GNA14: variants seen among roughly 807,000 people sequenced by gnomAD.
The protein encoded by GNA14 is guanine nucleotide-binding protein subunit alpha-14.
A neutral mutation model predicts 42.0 loss-of-function variants in GNA14; 50 were observed. The observed-to-expected ratio is 1.19, with a 90% CI of 0.95 to 1.51. The LOEUF (loss-of-function observed/expected upper bound fraction) is 1.51. Among genes scored for constraint, GNA14 ranks in the 40% most tolerant of loss-of-function variants. The pLI is 0.00. For synonymous variants in GNA14, 173 were observed against 163.1 expected, an observed-to-expected ratio of 1.06 and a Z score of -0.46; for missense variants, 473 against 446.2, an observed-to-expected ratio of 1.06 and a Z score of -0.54.
intron 2 of GNA14, among the ~76,000 whole-genome samples, chr9:77,509,737 T>A (rs1837128631): frequency 6.6e-6 from 1 of 152,060 alleles, no homozygotes; most frequent in Non-Finnish European, 1.5e-5. Context: ...TTGTATAGGT[T>A]GGTGAGAAAG....
At chr9:77,509,116 C>A (rs141149427) in intron 2 of GNA14, among the ~76,000 whole-genome samples, 1 of 152,130 alleles carries the variant, frequency 6.6e-6, no homozygotes, top group East Asian at 1.9e-4. Flanking sequence ...CCCCTCCCCA[C>A]GCTCAGTCCC....
chr9:77,446,207 T>C (rs1835815719), intron 2 of GNA14, among the ~76,000 whole-genome samples: 1 of 152,160 alleles, frequency 6.6e-6, no homozygotes, highest in South Asian at 2.1e-4. Context: ...AGTGGCACAA[T>C]CAGCTGTGAG....
At chr9:77,443,841 G>A (rs528823766) in intron 2 of GNA14, among the ~76,000 whole-genome samples, 1 of 152,282 alleles carries the variant, frequency 6.6e-6, no homozygotes, top group African/African-American at 2.4e-5. Context: ...AATTAGCTGA[G>A]CATGGTGATG....
chr9:77,533,739 C>G (rs111274820), intron 1 of GNA14, among the ~76,000 whole-genome samples: 1 of 152,152 alleles, frequency 6.6e-6, no homozygotes, highest in African/African-American at 2.4e-5. Context: ...CCCTCTCCCC[C>G]TAAACTTGAG....
intron 2 of GNA14, among the ~76,000 whole-genome samples, chr9:77,507,851 C>G (rs562667414): frequency 2.5e-4 from 38 of 152,162 alleles, no homozygotes; most frequent in African/African-American, 8.4e-4. Context: ...GGATTACAGG[C>G]ACTCATCACT....
In GNA14 at chr9:77,515,960, C is replaced by CAAAAAAAAAAAAAAAAAA. The variant is rs1158448237; in HGVS notation, c.309+13091_309+13108dup. Among the ~76,000 whole-genome samples the CAAAAAAAAAAAAAAAAAA allele has an allele frequency of 7.2e-4, 38 of 52,728 alleles. 3 individuals are homozygous for CAAAAAAAAAAAAAAAAAA. Among genetic ancestry groups the CAAAAAAAAAAAAAAAAAA allele is most frequent in the African/African-American group, 1.1e-3 (17 of 15,730 alleles). The allele number at this position is 52,728 out of a possible 152,430, so 34.6% of individuals were successfully genotyped here. ...GGCAACGCAGCAAGACCCTGTCTCA[C>CAAAAAAAAAAAAAAAAAA]AAAAAAAAAAAAAAAAAAAAAAACC... On this transcript the variant is annotated intron_variant, in intron 2 of 6. Coordinates refer to ENST00000341700, the MANE Select transcript of GNA14 (RefSeq NM_004297.4).
chr9:77,617,201 G>A (rs771288944), intron 1 of GNA14, among the ~76,000 whole-genome samples: 1 of 151,982 alleles, frequency 6.6e-6, no homozygotes, highest in African/African-American at 2.4e-5. Context: ...ATTGTGAATG[G>A]GATATTCACA....
chr9:77,429,515 T>C lies in GNA14; in HGVS notation c.594-479A>G, dbSNP rs143900009. Among the ~76,000 whole-genome samples, 23 of 152,294 alleles carry C rather than the reference T, an allele frequency of 1.5e-4. 1 individual carries two copies. In the South Asian group the frequency reaches 3.3e-3, roughly 22 times the overall value. On this transcript the variant is annotated intron_variant, in intron 4 of 6. Transcript: ENST00000341700. ...TGCATTCCCTGGATGCCACCTCTTG[T>C]TCCCTATAAAAACCTACAAGTGTCC...
intron 3 of GNA14, 65 bp downstream of exon 3, chr9:77,434,303 T>TCA (rs1835606309): frequency 1.4e-6 from 2 of 1,470,284 alleles, no homozygotes; most frequent in Non-Finnish European, 1.9e-6. Context: ...GCGAGAAACT[T>TCA]CTTTGAAGTG....
intron 1 of GNA14, among the ~76,000 whole-genome samples, chr9:77,628,726 C>T (rs1824050751): frequency 6.6e-6 from 1 of 152,070 alleles, no homozygotes; most frequent in Non-Finnish European, 1.5e-5. Flanking sequence ...ACCCCTTACA[C>T]AAAAATTAAC....
intron 2 of GNA14, among the ~76,000 whole-genome samples, chr9:77,466,048 T>C (rs1348265298): frequency 6.6e-6 from 1 of 152,236 alleles, no homozygotes; most frequent in Non-Finnish European, 1.5e-5. Flanking sequence ...TCTTTCACTT[T>C]GACTTTCAAC....
chr9:77,533,612 T>G (rs996970544), intron 1 of GNA14, among the ~76,000 whole-genome samples: 1 of 152,198 alleles, frequency 6.6e-6, no homozygotes. Context: ...TTAACGTCCC[T>G]TTCTCTGCGT....
At chr9:77,565,144 T>C (rs548330500) in intron 1 of GNA14, among the ~76,000 whole-genome samples, 8 of 152,238 alleles carry the variant, frequency 5.3e-5, no homozygotes, top group Non-Finnish European at 1.0e-4. Flanking sequence ...TGTATACATG[T>C]AGTACTTGAA....
chr9:77,526,443 AG>A (rs906872262), intron 2 of GNA14: 4 of 151,424 alleles, frequency 2.6e-5, no homozygotes, highest in South Asian at 2.1e-4. Flanking sequence ...GATGCAAGCA[AG>A]ATAAGGTCAT....
At chr9:77,523,797 G>A (rs992368019) in intron 2 of GNA14, among the ~76,000 whole-genome samples, 3 of 152,100 alleles carry the variant, frequency 2.0e-5, no homozygotes, top group African/African-American at 4.8e-5. Flanking sequence ...TGGAACTAAC[G>A]TGTTTTTGAG....
intron 1 of GNA14, among the ~76,000 whole-genome samples, chr9:77,627,948 A>T (rs1824038453): frequency 6.6e-6 from 1 of 152,222 alleles, no homozygotes; most frequent in Non-Finnish European, 1.5e-5. Context: ...CAGGAAGTCA[A>T]ATTGGCCCTG....
chr9:77,424,369 C>T (rs565799233), intron 6 of GNA14, among the ~76,000 whole-genome samples, 200 bp from the exon 7 acceptor site: 11 of 152,112 alleles, frequency 7.2e-5, no homozygotes, highest in Non-Finnish European at 1.2e-4. Context: ...ATTACAGATG[C>T]GTACCACCAC....
intron 1 of GNA14, among the ~76,000 whole-genome samples, chr9:77,529,754 C>T (rs1249560629): frequency 2.0e-5 from 3 of 152,154 alleles, no homozygotes; most frequent in South Asian, 2.1e-4. Context: ...TGTCTCAACA[C>T]GCAGTTCAGG....
chr9:77,501,713 C>CTTT (rs71358606), intron 2 of GNA14, among the ~76,000 whole-genome samples: 61,666 of 129,838 alleles, frequency 0.47, 15,739 homozygotes, highest in East Asian at 0.78. Context: ...TGGATAATTT[C>CTTT]TTTTTTTTTT....
Sources: gnomAD v4.1 joint callset for allele counts (sites outside exome capture counted in the v4.1 genomes callset) on GRCh38, gnomAD v4.1.1 for gene constraint, MANE v1.5 for transcripts, NCBI Gene and HGNC (gene_info 2026-07-23, HGNC 2026-07-21) for gene names.